Variants in DLGAP1 observed in about 807,000 individuals in gnomAD.
DLGAP1 encodes the protein disks large-associated protein 1.
Under a neutral mutation model 90.8 loss-of-function variants are expected in DLGAP1, and 11 were observed. The ratio of observed to expected loss-of-function variants is 0.12; its 90% CI spans 0.08 to 0.20. The LOEUF is 0.20. Ranked by LOEUF, DLGAP1 falls within the 10% of genes least tolerant of loss-of-function variation. The pLI, the probability that DLGAP1 is intolerant of heterozygous loss-of-function variation, is 1.00. For missense variants in DLGAP1, 1,050 were observed against 1,333.8 expected (o/e 0.79, Z 3.31); for synonymous variants, 558 against 540.7 (o/e 1.03, Z -0.44).
chr18:3,508,799 A>G (rs2050379402), intron 10 of DLGAP1, 138 bp from the exon 11 acceptor site: 1 of 607,560 alleles, frequency 1.6e-6, no homozygotes, highest in Admixed American at 3.1e-5. Context: ...ATGCCCACCC[A>G]GACAGCCCAA....
intron 1 of DLGAP1, among the ~76,000 whole-genome samples, chr18:4,197,204 A>AG (rs2077516991): frequency 6.7e-6 from 1 of 149,890 alleles, no homozygotes; most frequent in Non-Finnish European, 1.5e-5. Flanking sequence ...AAAAAAAAAA[A>AG]AAAAGAAAAA....
intron 2 of DLGAP1, among the ~76,000 whole-genome samples, chr18:4,130,278 C>T: frequency 6.6e-6 from 1 of 152,092 alleles, no homozygotes; most frequent in Non-Finnish European, 1.5e-5. Context: ...TCCAGAGGCA[C>T]TGATGATACC....
chr18:3,845,808 G>C (rs1472891559), intron 4 of DLGAP1, among the ~76,000 whole-genome samples: 1 of 152,140 alleles, frequency 6.6e-6, no homozygotes, highest in Non-Finnish European at 1.5e-5. Context: ...AAATTGGATA[G>C]AACATTCAGT....
At position 3,737,574 on chromosome 18, in the gene DLGAP1, G is replaced by C. The variant is rs1213270456; in HGVS notation, c.1350+4761C>G. ...AAAGGCCTTTGACAAAATTCAACAA[G>C]CCTTCATGCTAAAAACTCTCAATAA... On this transcript the variant is annotated intron_variant, in intron 6 of 12. Coordinates refer to ENST00000315677, the MANE Select transcript of DLGAP1 (RefSeq NM_004746.4). Among the ~76,000 whole-genome samples the C allele has an allele frequency of 1.2e-3, 182 of 151,116 alleles. 1 individual carries two copies. Among genetic ancestry groups the C allele is most frequent in the African/African-American group, 3.7e-3 (151 of 40,924 alleles).
At chr18:4,026,220 A>C (rs2074696429) in intron 2 of DLGAP1, among the ~76,000 whole-genome samples, 1 of 152,228 alleles carries the variant, frequency 6.6e-6, no homozygotes, top group Non-Finnish European at 1.5e-5. Flanking sequence ...AGTGCTAGAA[A>C]AAGGCTTCTG....
At chr18:4,365,386 G>C (rs2081739399) in intron 1 of DLGAP1, among the ~76,000 whole-genome samples, 1 of 152,134 alleles carries the variant, frequency 6.6e-6, no homozygotes, top group South Asian at 2.1e-4. Flanking sequence ...GCAGATTACT[G>C]GTTGCCTAGG....
intron 1 of DLGAP1, among the ~76,000 whole-genome samples, chr18:4,426,246 T>C (rs944120538): frequency 6.6e-6 from 1 of 152,198 alleles, no homozygotes; most frequent in Non-Finnish European, 1.5e-5. Context: ...CCTTAGTGCA[T>C]GTAGAAAATC....
rs75751417 is a variant in DLGAP1 at position 3,749,635 on chromosome 18, C to T, written c.1173-7123G>A. The stretch of plus-strand genomic sequence containing the variant: ...AATGGCTTCTACTACCAACCTTATG[C>T]TAATCACTCCCAAATCTATTTGTAG... On this transcript the variant is annotated intron_variant, in intron 5 of 12. Coordinates refer to ENST00000315677, the MANE Select transcript of DLGAP1 (RefSeq NM_004746.4). Among the ~76,000 whole-genome samples the T allele has an allele frequency of 9.2e-3, 1,407 of 152,262 alleles. 21 individuals carry two copies. The highest frequency in any genetic ancestry group is 0.032 in the African/African-American group (1,349 of 41,550).
chr18:3,973,496 T>C (rs898885131), intron 3 of DLGAP1, among the ~76,000 whole-genome samples: 8 of 152,148 alleles, frequency 5.3e-5, no homozygotes, highest in African/African-American at 1.4e-4. Context: ...TGGTGGAGTA[T>C]ATGGTTCCTG....
intron 5 of DLGAP1, among the ~76,000 whole-genome samples, chr18:3,791,997 G>A (rs986072941): frequency 1.3e-5 from 2 of 152,120 alleles, no homozygotes; most frequent in East Asian, 3.9e-4. Flanking sequence ...CTGCTCCCAC[G>A]TCCACACTGG....
chr18:3,895,319 A>ACACT (rs1555703517), intron 3 of DLGAP1, among the ~76,000 whole-genome samples: 4 of 148,360 alleles, frequency 2.7e-5, no homozygotes, highest in Non-Finnish European at 5.9e-5. Flanking sequence ...ACACACACAC[A>ACACT]CATCATCATC....
intron 5 of DLGAP1, among the ~76,000 whole-genome samples, chr18:3,791,070 C>T (rs1331495708): frequency 1.3e-5 from 2 of 152,270 alleles, no homozygotes; most frequent in East Asian, 3.9e-4. Context: ...AGATGGTACA[C>T]CATGGACATG....
intron 9 of DLGAP1, among the ~76,000 whole-genome samples, chr18:3,541,108 G>T (rs181703717): frequency 6.6e-6 from 1 of 152,286 alleles, no homozygotes; most frequent in African/African-American, 2.4e-5. Context: ...AACTAACAAA[G>T]CATGAGCAGT....
intron 5 of DLGAP1, among the ~76,000 whole-genome samples, chr18:3,792,987 C>T (rs1364265428): frequency 6.6e-6 from 1 of 152,198 alleles, no homozygotes; most frequent in East Asian, 1.9e-4. Flanking sequence ...CATTGAGCCG[C>T]TGGGCCTGTG....
Position 4,355,114 on chromosome 18 carries a change from G to GAC in DLGAP1, c.-267+99890_-267+99891dup, listed in dbSNP as rs547489376. On this transcript the variant is annotated intron_variant, in intron 1 of 12. Transcript: ENST00000315677. Reference sequence around the variant, plus strand: ...TACTCTTGACATATAACTCAGCAATGACACTCTTAGGCATTTGTCCCAGGG... The same window carrying GAC: ...TACTCTTGACATATAACTCAGCAATGACACACTCTTAGGCATTTGTCCCAGGG... Among the ~76,000 whole-genome samples the GAC allele has an allele frequency of 3.5e-3, 530 of 152,182 alleles. 5 individuals carry two copies. The highest frequency in any genetic ancestry group is 7.5e-4 in the Non-Finnish European group (51 of 68,010).
At chr18:4,096,114 C>T (rs1598395336) in intron 2 of DLGAP1, among the ~76,000 whole-genome samples, 1 of 152,284 alleles carries the variant, frequency 6.6e-6, no homozygotes, top group East Asian at 1.9e-4. Context: ...CAGTCTCCGC[C>T]TTCTGGGTTC....
intron 2 of DLGAP1, among the ~76,000 whole-genome samples, chr18:4,082,341 C>CAAAAAAA (rs34416813): frequency 2.5e-5 from 2 of 78,744 alleles, no homozygotes; most frequent in Non-Finnish European, 4.7e-5. Flanking sequence ...GACTCCATCT[C>CAAAAAAA]AAAAAAAAAA....
chr18:3,918,628 G>T (rs374439771), intron 3 of DLGAP1, among the ~76,000 whole-genome samples: 57 of 152,264 alleles, frequency 3.7e-4, no homozygotes, highest in African/African-American at 1.3e-3. Context: ...AGTTTTCTCT[G>T]AAAGAATGGT....
intron 1 of DLGAP1, among the ~76,000 whole-genome samples, chr18:4,391,420 C>T (rs1410276316): frequency 6.6e-6 from 1 of 152,096 alleles, no homozygotes; most frequent in Non-Finnish European, 1.5e-5. Context: ...AAGAAATAGT[C>T]CTATTTACCT....
Sources: allele counts gnomAD v4.1 joint callset (sites outside exome capture counted in the v4.1 genomes callset), GRCh38; gene constraint gnomAD v4.1.1; transcripts MANE v1.5; gene names NCBI Gene and HGNC (gene_info 2026-07-23, HGNC 2026-07-21).